The following ADAM19 variants were observed in gnomAD, a reference collection of about 807,000 sequenced individuals.
The protein encoded by ADAM19 is disintegrin and metalloproteinase domain-containing protein 19.
ADAM19 carries 65 observed loss-of-function variants against 114.7 expected under a neutral mutation model. That is an observed-to-expected ratio of 0.57 (90% CI 0.46 to 0.70). The LOEUF is 0.70. Among genes scored for constraint, ADAM19 ranks in the 30% least tolerant of loss-of-function variants. The pLI is 0.00. For synonymous variants in ADAM19, 466 were observed against 460.5 expected (o/e 1.01, Z -0.15); for missense variants, 1,063 against 1,204.7 (o/e 0.88, Z 1.74).
At chr5:157,484,238 T>C (rs1409397916) in intron 21 of ADAM19, among the ~76,000 whole-genome samples, 3 of 152,198 alleles carry the variant, frequency 2.0e-5, no homozygotes, top group African/African-American at 7.2e-5. Flanking sequence ...CCTTACAACA[T>C]ATATAATTTA....
At chr5:157,500,734 C>T (rs915832503) in intron 12 of ADAM19, among the ~76,000 whole-genome samples, 1 of 152,184 alleles carries the variant, frequency 6.6e-6, no homozygotes, top group African/African-American at 2.4e-5. Flanking sequence ...AACAGAAGAT[C>T]TCCATGGGTT....
Position 157,479,633 on chromosome 5 carries a change from A to G in ADAM19, c.*1316T>C. On this transcript the variant is annotated 3_prime_UTR_variant, in exon 23 of 23. Transcript: ENST00000257527. The stretch of plus-strand genomic sequence containing the variant: ...TCAGAGCTCTCTTTCTGTGAGGGTC[A>G]GGTAAGGGCAGTGACCAGAGAGAGA... 1 of 985,908 alleles carries G rather than the reference A, an allele frequency of 1.0e-6. No individual in the cohort carries two copies. The highest frequency in any genetic ancestry group is 1.2e-6 in the Non-Finnish European group (1 of 829,998). The allele number at this position is 985,908 out of a possible 1,614,324, so 61.1% of individuals were successfully genotyped here. A position where few individuals can be genotyped will look rare whatever the true frequency, so the allele number is the denominator to read the frequency against.
intron 9 of ADAM19, among the ~76,000 whole-genome samples, chr5:157,508,423 A>G (rs2113724471): frequency 6.6e-6 from 1 of 152,324 alleles, no homozygotes; most frequent in East Asian, 1.9e-4. Flanking sequence ...AGCTTGGCCA[A>G]CATGGCAAAA....
chr5:157,492,874 C>T (rs1755221836), intron 16 of ADAM19, 99 bp downstream of exon 16: 25 of 1,312,764 alleles, frequency 1.9e-5, no homozygotes, highest in Admixed American at 3.5e-5. Flanking sequence ...CAGAGGTTGG[C>T]GAGGTGGCAT....
rs1361688022 is a variant in ADAM19, at chr5:157,493,018, C to T, written c.1863G>A (p.Leu621=). The T allele has an allele frequency of 6.2e-7, 1 of 1,614,124 alleles. No individual in the cohort carries two copies. Among genetic ancestry groups the T allele is most frequent in the Non-Finnish European group, 8.5e-7 (1 of 1,180,056 alleles). The change falls in exon 16 of 23, where the codon CTG becomes CTA. Residue 621 remains leucine, a synonymous_variant. Transcript: ENST00000257527. ...TTCCAGTCATCACCAGCCCTGGGTC[C>T]AGCATGTCACCCTCCTCCTCAGGAC... The part of the protein sequence containing the change: ...YRGPEEEGDM[L]DPGLVMTGTK...
chr5:157,507,174 C>A (rs369197205), intron 9 of ADAM19, 34 bp from the exon 10 acceptor site: 4 of 1,603,048 alleles, frequency 2.5e-6, no homozygotes, highest in East Asian at 2.2e-5. Flanking sequence ...TGACCGGGGA[C>A]GAGACTAAGA....
intron 3 of ADAM19, among the ~76,000 whole-genome samples, chr5:157,542,891 A>T (rs1756954585): frequency 6.6e-6 from 1 of 152,190 alleles, no homozygotes; most frequent in Non-Finnish European, 1.5e-5. Context: ...ACTTTATGGG[A>T]AGAGTGTGGC....
At chr5:157,546,394 A>G (rs1490285264) in intron 3 of ADAM19, among the ~76,000 whole-genome samples, 3 of 152,162 alleles carry the variant, frequency 2.0e-5, no homozygotes, top group Non-Finnish European at 4.4e-5. Flanking sequence ...TACTCACTCA[A>G]CATGGCTGCC....
chr5:157,541,301 G>A (rs554979438), intron 3 of ADAM19, among the ~76,000 whole-genome samples: 68 of 152,306 alleles, frequency 4.5e-4, no homozygotes, highest in African/African-American at 1.4e-3. Flanking sequence ...TGAGTGATGT[G>A]CATCCAGGAA....
At chr5:157,494,627 G>T in intron 15 of ADAM19, 60 bp downstream of exon 15, 1 of 1,446,932 alleles carries the variant, frequency 6.9e-7, no homozygotes, top group Non-Finnish European at 9.7e-7. Flanking sequence ...GCAACAGTGA[G>T]GACAGAGCAG....
intron 5 of ADAM19, among the ~76,000 whole-genome samples, chr5:157,523,805 C>T (rs1043982574): frequency 6.6e-6 from 1 of 152,238 alleles, no homozygotes; most frequent in African/African-American, 2.4e-5. Flanking sequence ...GAGTAATTCC[C>T]TGCCTAGCCA....
chr5:157,572,110 G>C (rs1383009567), intron 1 of ADAM19, among the ~76,000 whole-genome samples: 1 of 152,024 alleles, frequency 6.6e-6, no homozygotes, highest in East Asian at 1.9e-4. Flanking sequence ...TTTTGAGACG[G>C]AGTCTCGCTT....
At chr5:157,489,511 C>A (rs1273545856) in intron 19 of ADAM19, among the ~76,000 whole-genome samples, 2 of 152,152 alleles carry the variant, frequency 1.3e-5, no homozygotes, top group Non-Finnish European at 2.9e-5. Flanking sequence ...AGGCATAGAT[C>A]CAGAAAGACC....
At position 157,478,762 on chromosome 5, in the gene ADAM19, TAAAAC is replaced by T. The variant is rs770536589; in HGVS notation, c.*2182_*2186del. ...TGGGATGGAGGTGATATGAAAATAA[TAAAAC>T]AAAACAAAACAAAAAGCAAGAAAAC... On this transcript the variant is annotated 3_prime_UTR_variant, in exon 23 of 23. Transcript: ENST00000257527. The T allele has an allele frequency of 1.0e-4, 102 of 985,756 alleles. No individual in the cohort carries two copies. Among genetic ancestry groups the T allele is most frequent in the South Asian group, 1.9e-4 (4 of 21,282 alleles). The allele number at this position is 985,756 out of a possible 1,614,324, so 61.1% of individuals were successfully genotyped here.
chr5:157,520,133 T>C, intron 5 of ADAM19, 102 bp from the exon 6 acceptor site: 1 of 1,193,140 alleles, frequency 8.4e-7, no homozygotes. Flanking sequence ...CATAGTGGGT[T>C]TTGATCATTG....
intron 4 of ADAM19, among the ~76,000 whole-genome samples, chr5:157,531,524 G>A (rs11465280): frequency 0.3 from 45,463 of 151,824 alleles, 7,367 homozygotes; most frequent in African/African-American, 0.42. Flanking sequence ...AAAATCAGCC[G>A]GATGTGGTGG....
chr5:157,563,885 G>T (rs1757581105), intron 3 of ADAM19, among the ~76,000 whole-genome samples: 1 of 152,220 alleles, frequency 6.6e-6, no homozygotes, highest in African/African-American at 2.4e-5. Flanking sequence ...GGAGACTGTT[G>T]ACGATGCCCT....
chr5:157,480,886 T>G lies in ADAM19; in HGVS notation c.*63A>C, dbSNP rs11466811. 9,504 of 1,611,088 alleles carry G rather than the reference T, an allele frequency of 5.9e-3. 127 individuals are homozygous for G. Among genetic ancestry groups the G allele is most frequent in the South Asian group, 0.038 (3,430 of 90,532 alleles). ...CCAGACATGCTTCTTCAGGGTTCCATGGCCATGGGTCCTCTGCAGTGTCCA... is the reference window on the plus strand; with the variant it reads ...CCAGACATGCTTCTTCAGGGTTCCAGGGCCATGGGTCCTCTGCAGTGTCCA... On this transcript the variant is annotated 3_prime_UTR_variant, in exon 23 of 23. Transcript: ENST00000257527.
chr5:157,500,862 G>C (rs1237668609), intron 12 of ADAM19, among the ~76,000 whole-genome samples: 2 of 152,126 alleles, frequency 1.3e-5, no homozygotes, highest in African/African-American at 4.8e-5. Flanking sequence ...TTGATGAAAA[G>C]TGTACGGGGC....
Sources: gnomAD v4.1 joint callset for allele counts (sites outside exome capture counted in the v4.1 genomes callset) on GRCh38, gnomAD v4.1.1 for gene constraint, MANE v1.5 for transcripts, NCBI Gene and HGNC (gene_info 2026-07-23, HGNC 2026-07-21) for gene names.